The following LRP6 variants were observed in gnomAD, a reference collection of about 807,000 sequenced individuals.
LRP6 encodes low-density lipoprotein receptor-related protein 6.
A neutral mutation model predicts 184.1 loss-of-function variants in LRP6; 43 were observed. The observed-to-expected ratio is 0.23, with a 90% confidence interval of 0.18 to 0.30. The LOEUF is 0.30. Ranked by LOEUF, LRP6 falls within the 10% of genes least tolerant of loss-of-function variation. The pLI is 1.00. For missense variants in LRP6, 1,571 were observed against 2,005.3 expected (o/e 0.78, Z 4.14); for synonymous variants, 719 against 684.9 (o/e 1.05, Z -0.78).
At chr12:12,245,784 T>G (rs185091921) in intron 1 of LRP6, among the ~76,000 whole-genome samples, 1 of 152,172 alleles carries the variant, frequency 6.6e-6, no homozygotes, top group Admixed American at 6.5e-5. Flanking sequence ...TTTTTGGTTT[T>G]TATTAAATAT....
At chr12:12,135,676 T>A (rs1949828497) in intron 16 of LRP6, among the ~76,000 whole-genome samples, 1 of 151,614 alleles carries the variant, frequency 6.6e-6, no homozygotes, top group East Asian at 1.9e-4. Flanking sequence ...CCGTTTTTAG[T>A]AAAGATGGAA....
At chr12:12,163,337 TATTTC>T (rs1371294275) in intron 9 of LRP6, among the ~76,000 whole-genome samples, 3 of 152,178 alleles carry the variant, frequency 2.0e-5, no homozygotes, top group Non-Finnish European at 4.4e-5. Context: ...AAAATTTATT[TATTTC>T]ATTTATTCAC....
chr12:12,154,395 A>G (rs904559531), intron 12 of LRP6, among the ~76,000 whole-genome samples: 4 of 152,130 alleles, frequency 2.6e-5, no homozygotes, highest in Non-Finnish European at 4.4e-5. Context: ...CTTGCTCTTT[A>G]TATTTCTTCA....
At chr12:12,228,256 G>C (rs1390617490) in intron 2 of LRP6, among the ~76,000 whole-genome samples, 1 of 152,074 alleles carries the variant, frequency 6.6e-6, no homozygotes, top group East Asian at 1.9e-4. Flanking sequence ...CCAGCTACTG[G>C]GGAGGCTGGA....
chr12:12,234,246 C>T (rs1370434257), intron 2 of LRP6, among the ~76,000 whole-genome samples: 1 of 151,676 alleles, frequency 6.6e-6, no homozygotes, highest in African/African-American at 2.4e-5. Context: ...AAGATCGCAC[C>T]ATTACACTTT....
chr12:12,208,145 T>C (rs905815785), intron 2 of LRP6, among the ~76,000 whole-genome samples: 4 of 152,182 alleles, frequency 2.6e-5, no homozygotes, highest in Admixed American at 1.3e-4. Context: ...TAAAATTATG[T>C]TGAACAAAAG....
chr12:12,261,730 C>G (rs999336143), intron 1 of LRP6, among the ~76,000 whole-genome samples: 1 of 152,146 alleles, frequency 6.6e-6, no homozygotes, highest in African/African-American at 2.4e-5. Context: ...CTCAAGGTTA[C>G]ACAGCAAATT....
intron 17 of LRP6, among the ~76,000 whole-genome samples, chr12:12,133,470 G>A (rs1319312706): frequency 6.6e-6 from 1 of 151,984 alleles, no homozygotes; most frequent in Non-Finnish European, 1.5e-5. Flanking sequence ...TGACCTGCCT[G>A]CTCACTCTTC....
intron 15 of LRP6, among the ~76,000 whole-genome samples, chr12:12,142,705 T>TA (rs574398507): frequency 8.7e-4 from 132 of 151,948 alleles, no homozygotes; most frequent in African/African-American, 2.6e-3. Context: ...GAGCGTAGAT[T>TA]AAAAAAAATC....
At chr12:12,244,930 G>A (rs764304294) in intron 1 of LRP6, among the ~76,000 whole-genome samples, 15 of 152,132 alleles carry the variant, frequency 9.9e-5, no homozygotes, top group Non-Finnish European at 1.8e-4. Context: ...GCTATACCAA[G>A]AATTGGCAAT....
rs555173177 is a variant in LRP6 at position 12,176,997 on chromosome 12, G to A, written c.1545+2813C>T. Reference sequence around the variant, plus strand: ...CGAGTAGCTAGGATTACAGGTGCCCGCCACCACGCCCAGCTAATTTTTGTA... The same window carrying A: ...CGAGTAGCTAGGATTACAGGTGCCCACCACCACGCCCAGCTAATTTTTGTA... On this transcript the variant is annotated intron_variant, in intron 7 of 22. Transcript: ENST00000261349. Among the ~76,000 whole-genome samples the A allele has an allele frequency of 1.6e-3, 240 of 151,766 alleles. 1 individual carries two copies. Among genetic ancestry groups the A allele is most frequent in the African/African-American group, 5.3e-3 (221 of 41,356 alleles).
rs75871481 is a variant in LRP6, at chr12:12,241,155, T to C, written c.449+3107A>G. ...CAAACAATACCAGTCATTCAATAGC[T>C]TTCCCTTTACGTAAGTTGCTATGAG... On this transcript the variant is annotated intron_variant, in intron 2 of 22. Transcript: ENST00000261349. Among the ~76,000 whole-genome samples, 812 of 152,294 alleles carry C rather than the reference T, an allele frequency of 5.3e-3. 9 individuals are homozygous for C. Among genetic ancestry groups the C allele is most frequent in the African/African-American group, 0.018 (759 of 41,558 alleles).
chr12:12,205,331 A>AAC (rs796286872), intron 2 of LRP6, among the ~76,000 whole-genome samples: 10,678 of 73,320 alleles, frequency 0.15, 469 homozygotes, highest in Non-Finnish European at 0.22. Flanking sequence ...CAAACAAACA[A>AAC]AAAAAAAAAA....
At position 12,179,906 on chromosome 12, in the gene LRP6, T is replaced by C. The variant is rs748653923; in HGVS notation, c.1449A>G (p.Val483=). ...GCCAACCAAGAGAAGTGTTAACCAA[T>C]ACTACACGGTCAGAACCATCCAGAG... ...RAALDGSDRV[V]LVNTSLGWPN... The change falls in exon 7 of 23, where the codon GTA becomes GTG. Residue 483 remains valine, a synonymous_variant. Transcript: ENST00000261349. The C allele has an allele frequency of 2.5e-6, 4 of 1,613,946 alleles. No homozygotes were observed. Among genetic ancestry groups the C allele is most frequent in the South Asian group, 1.1e-5 (1 of 91,074 alleles).
chr12:12,157,955 A>G (rs1376511720), intron 12 of LRP6, among the ~76,000 whole-genome samples: 1 of 152,174 alleles, frequency 6.6e-6, no homozygotes, highest in Non-Finnish European at 1.5e-5. Context: ...CGGTATTTAA[A>G]AATCAGGAGA....
intron 15 of LRP6, among the ~76,000 whole-genome samples, chr12:12,147,100 G>A (rs565906077): frequency 3.3e-5 from 5 of 151,930 alleles, no homozygotes; most frequent in Admixed American, 6.6e-5. Context: ...CAGCCTGGGC[G>A]ATAAAGCAAG....
chr12:12,206,012 T>C (rs1445476061), intron 2 of LRP6, among the ~76,000 whole-genome samples: 2 of 152,208 alleles, frequency 1.3e-5, no homozygotes, highest in South Asian at 2.1e-4. Flanking sequence ...ACACAAATAC[T>C]TACCATGGTG....
In LRP6 at chr12:12,118,984, T is replaced by C. The variant is rs1024708375; in HGVS notation, c.*2142A>G. ...TCAAATTCTAACTGACACCCAGGTA[T>C]TGCTAACCTTTCCATCTTCATTTAA... On this transcript the variant is annotated 3_prime_UTR_variant, in exon 23 of 23. Coordinates refer to ENST00000261349, the MANE Select transcript of LRP6 (RefSeq NM_002336.3). The C allele has an allele frequency of 1.3e-5, 2 of 152,218 alleles. No homozygotes were observed. The highest frequency in any genetic ancestry group is 4.8e-5 in the African/African-American group (2 of 41,468). 9.4% of individuals were successfully genotyped at this position (152,218 alleles called of 1,614,324 possible). A position where few individuals can be genotyped will look rare whatever the true frequency, so the allele number is the denominator to read the frequency against.
At chr12:12,204,279 CAAAAA>C (rs61067494) in intron 2 of LRP6, among the ~76,000 whole-genome samples, 2 of 96,218 alleles carry the variant, frequency 2.1e-5, no homozygotes, top group Non-Finnish European at 4.1e-5. Context: ...TCATAAAAGT[CAAAAA>C]AAAAAAAAAA....
Sources: gnomAD v4.1 joint callset for allele counts (sites outside exome capture counted in the v4.1 genomes callset) on GRCh38, gnomAD v4.1.1 for gene constraint, MANE v1.5 for transcripts, NCBI Gene and HGNC (gene_info 2026-07-23, HGNC 2026-07-21) for gene names.